The following SFMBT2 variants were observed in gnomAD, a reference collection of about 807,000 sequenced individuals.
The protein encoded by SFMBT2 is scm-like with four MBT domains protein 2.
Under a neutral mutation model 110.1 loss-of-function variants are expected in SFMBT2, and 38 were observed. The ratio of observed to expected loss-of-function variants is 0.35; its 90% CI spans 0.27 to 0.45. The LOEUF (loss-of-function observed/expected upper bound fraction) is 0.45. Ranked by LOEUF, SFMBT2 falls within the 20% of genes least tolerant of loss-of-function variation. The pLI, the probability that SFMBT2 is intolerant of heterozygous loss-of-function variation, is 1.00. For synonymous variants in SFMBT2, 425 were observed against 425.4 expected (o/e 1.00, Z 0.01); for missense variants, 1,011 against 1,094.9 (o/e 0.92, Z 1.08).
chr10:7,381,708 C>G, intron 2 of SFMBT2, 91 bp downstream of exon 2: 1 of 1,366,312 alleles, frequency 7.3e-7, no homozygotes. Context: ...GTGAGATCTA[C>G]AAATGTTGCC....
At chr10:7,358,837 G>A (rs919486037) in intron 4 of SFMBT2, among the ~76,000 whole-genome samples, 1 of 152,056 alleles carries the variant, frequency 6.6e-6, no homozygotes, top group African/African-American at 2.4e-5. Flanking sequence ...TGCAATGGAG[G>A]CATGGCCCTA....
chr10:7,237,698 C>T (rs1415892222), intron 9 of SFMBT2, among the ~76,000 whole-genome samples: 1 of 152,156 alleles, frequency 6.6e-6, no homozygotes, highest in Non-Finnish European at 1.5e-5. Flanking sequence ...TTGACAAACA[C>T]CCCTGCTGCT....
At chr10:7,228,448 C>A in intron 9 of SFMBT2, 1 of 640,992 alleles carries the variant, frequency 1.6e-6, no homozygotes, top group South Asian at 7.3e-5. Flanking sequence ...AAGAGGGCAA[C>A]AAAGAGTAGA....
chr10:7,208,063 T>C (rs1264930067), intron 11 of SFMBT2, among the ~76,000 whole-genome samples: 3 of 152,238 alleles, frequency 2.0e-5, no homozygotes, highest in Non-Finnish European at 4.4e-5. Flanking sequence ...TGTCTAATAT[T>C]GTAAGACTTG....
Position 7,159,412 on chromosome 10 carries a change from G to A in SFMBT2, c.*4358C>T, listed in dbSNP as rs1202701315. The stretch of plus-strand genomic sequence containing the variant: ...TCTAGTGATAGAGCTATGAGAACTG[G>A]TCAACTTAAGAGTTCAACCATGTGA... On this transcript the variant is annotated 3_prime_UTR_variant, in exon 21 of 21. Coordinates refer to ENST00000397167, the MANE Select transcript of SFMBT2 (RefSeq NM_001387889.1). The A allele has an allele frequency of 6.6e-6, 1 of 152,140 alleles. No homozygotes were observed. The allele number at this position is 152,140 out of a possible 1,614,324, so 9.4% of individuals were successfully genotyped here. A position where few individuals can be genotyped will look rare whatever the true frequency, so the allele number is the denominator to read the frequency against.
chr10:7,212,140 C>G (rs1564386136), intron 11 of SFMBT2, among the ~76,000 whole-genome samples: 2 of 152,166 alleles, frequency 1.3e-5, no homozygotes, highest in Non-Finnish European at 2.9e-5. Context: ...TCTAATAGGA[C>G]CCCGTTGACT....
chr10:7,247,465 T>C (rs185869467), intron 8 of SFMBT2, among the ~76,000 whole-genome samples: 2 of 152,306 alleles, frequency 1.3e-5, no homozygotes, highest in East Asian at 3.9e-4. Context: ...TAAAAATAAT[T>C]TATGTTCACT....
At chr10:7,251,923 C>T (rs750008270) in intron 7 of SFMBT2, among the ~76,000 whole-genome samples, 4 of 152,186 alleles carry the variant, frequency 2.6e-5, no homozygotes, top group Non-Finnish European at 5.9e-5. Flanking sequence ...CTGAGAGTCT[C>T]TGCTCTAGAG....
chr10:7,320,420 C>A (rs746431704), intron 4 of SFMBT2: 25 of 200,514 alleles, frequency 1.2e-4, no homozygotes, highest in Non-Finnish European at 1.9e-4. Context: ...GACAAGAGAA[C>A]CAGGGCAGAG....
intron 2 of SFMBT2, 112 bp downstream of exon 2, chr10:7,381,687 C>T: frequency 1.7e-6 from 2 of 1,175,312 alleles, no homozygotes; most frequent in Non-Finnish European, 2.4e-6. Context: ...ATCCCAGGAA[C>T]CAGACAGTAT....
At chr10:7,323,537 G>A (rs1174608162) in intron 4 of SFMBT2, among the ~76,000 whole-genome samples, 1 of 151,286 alleles carries the variant, frequency 6.6e-6, no homozygotes, top group Non-Finnish European at 1.5e-5. Context: ...AAGACAAAAG[G>A]TGTTGGAAAG....
chr10:7,270,513 CTGAAA>C (rs1479589514), intron 7 of SFMBT2, among the ~76,000 whole-genome samples: 5 of 152,300 alleles, frequency 3.3e-5, no homozygotes, highest in African/African-American at 7.2e-5. Flanking sequence ...TTCCATTGAA[CTGAAA>C]TAAGAGAAAA....
intron 4 of SFMBT2, among the ~76,000 whole-genome samples, chr10:7,319,175 G>GT (rs1353629107): frequency 2.0e-5 from 3 of 152,162 alleles, no homozygotes; most frequent in Non-Finnish European, 4.4e-5. Context: ...AACAAAAAAC[G>GT]TAAGTCCGCT....
chr10:7,327,092 T>C (rs1385257002), intron 4 of SFMBT2, among the ~76,000 whole-genome samples: 1 of 148,830 alleles, frequency 6.7e-6, no homozygotes, highest in Admixed American at 6.7e-5. Context: ...CATGTCACTC[T>C]AATTTGGGCC....
In SFMBT2 at chr10:7,367,867, T is replaced by C. The variant is rs1348626479; in HGVS notation, c.218A>G (p.Asn73Ser). 6.2e-7 allele frequency: 1 copy of C among 1,614,030 alleles called. No homozygotes were observed. The highest frequency in any genetic ancestry group is 8.5e-7 in the Non-Finnish European group (1 of 1,180,040). ...FKHVEISIQSNFQPGMKLEVA... is the reference protein window; with the variant it reads ...FKHVEISIQSSFQPGMKLEVA... ...TTCCAATTTCATTCCTGGCTGGAAG[T>C]TGCTCTGAATGCTGATTTCAACCTT... Residue 73 changes from asparagine (N) to serine (S), a missense_variant, in exon 4 of 21, where the codon AAC (asparagine) becomes AGC (serine). This residue lies in a region of SFMBT2 where 979 missense variants were observed against 1,016.1 expected (regional missense o/e 0.96). Coordinates refer to ENST00000397167, the MANE Select transcript of SFMBT2 (RefSeq NM_001387889.1). This position sits in a 1 kb window ranked among gnomAD's most constrained non-coding sequence, Gnocchi z 6.2.
chr10:7,303,387 G>C (rs560535926), intron 4 of SFMBT2, among the ~76,000 whole-genome samples: 69 of 152,286 alleles, frequency 4.5e-4, no homozygotes, highest in African/African-American at 1.6e-3. Context: ...AATTTATGTA[G>C]AGCAAACAAT....
At chr10:7,168,835 C>T in intron 20 of SFMBT2, among the ~76,000 whole-genome samples, 1 of 152,162 alleles carries the variant, frequency 6.6e-6, no homozygotes, top group East Asian at 1.9e-4. Context: ...AGCTCATCAC[C>T]CAGGTTCTTT....
chr10:7,204,898 G>A, intron 12 of SFMBT2: 1 of 980,680 alleles, frequency 1.0e-6, no homozygotes, highest in Non-Finnish European at 1.2e-6. Context: ...TTTTTTTTTT[G>A]CATGTATTTA....
intron 14 of SFMBT2, 37 bp from the exon 15 acceptor site, chr10:7,197,724 A>G (rs754149253): frequency 1.2e-6 from 2 of 1,606,640 alleles, no homozygotes; most frequent in East Asian, 2.2e-5. Flanking sequence ...GCTTAGGACC[A>G]CAGCCCCAGA....
Sources: allele counts gnomAD v4.1 joint callset (sites outside exome capture counted in the v4.1 genomes callset), GRCh38; gene constraint gnomAD v4.1.1; regional missense constraint gnomAD v4.1.1; non-coding constraint Gnocchi (gnomAD v3.1); transcripts MANE v1.5; gene names NCBI Gene and HGNC (gene_info 2026-07-23, HGNC 2026-07-21).